CPNE5: variants seen among roughly 807,000 people sequenced by gnomAD.
CPNE5 encodes the protein copine 5.
Under a neutral mutation model 81.1 loss-of-function variants are expected in CPNE5, and 42 were observed. The ratio of observed to expected loss-of-function variants is 0.52; its 90% CI spans 0.40 to 0.67. CPNE5 has a LOEUF of 0.67. CPNE5 is among the 30% of genes least tolerant of loss of function. The pLI is 0.00. For synonymous variants in CPNE5, 313 were observed against 321.5 expected, an observed-to-expected ratio of 0.97 and a Z score of 0.28; for missense variants, 612 against 815.5, an observed-to-expected ratio of 0.75 and a Z score of 3.04.
At chr6:36,767,011 C>A (rs1297312873) in intron 10 of CPNE5, among the ~76,000 whole-genome samples, 1 of 152,184 alleles carries the variant, frequency 6.6e-6, no homozygotes, top group Non-Finnish European at 1.5e-5. Flanking sequence ...TGAGCCACCA[C>A]ACCTGGCTAA....
intron 14 of CPNE5, among the ~76,000 whole-genome samples, chr6:36,750,763 T>A (rs1388929284): frequency 6.6e-6 from 1 of 152,168 alleles, no homozygotes; most frequent in Non-Finnish European, 1.5e-5. Flanking sequence ...CTTGGGAAGA[T>A]GATTCTGGCC....
At chr6:36,749,362 C>T (rs548019859) in intron 14 of CPNE5, among the ~76,000 whole-genome samples, 5 of 152,088 alleles carry the variant, frequency 3.3e-5, no homozygotes, top group Non-Finnish European at 7.4e-5. Context: ...ATGGCTCTTG[C>T]CTGGATTTCT....
At chr6:36,774,517 C>G (rs1057214802) in intron 10 of CPNE5, among the ~76,000 whole-genome samples, 1 of 152,234 alleles carries the variant, frequency 6.6e-6, no homozygotes, top group Non-Finnish European at 1.5e-5. Flanking sequence ...GACCAGCTGC[C>G]TCTGCCTGCA....
intron 17 of CPNE5, 55 bp from the exon 18 acceptor site, chr6:36,745,205 C>T: frequency 6.7e-7 from 1 of 1,503,698 alleles, no homozygotes; most frequent in African/African-American, 1.4e-5. Context: ...GGGCATGTTC[C>T]CCCCTAAACA....
At chr6:36,762,317 C>CAA (rs1483394254) in intron 12 of CPNE5, among the ~76,000 whole-genome samples, 1 of 151,238 alleles carries the variant, frequency 6.6e-6, no homozygotes, top group African/African-American at 2.4e-5. Flanking sequence ...CACACACACA[C>CAA]ACACGCATGC....
intron 9 of CPNE5, among the ~76,000 whole-genome samples, chr6:36,778,152 C>T (rs1046198380): frequency 1.3e-5 from 2 of 152,230 alleles, no homozygotes; most frequent in Non-Finnish European, 2.9e-5. Flanking sequence ...GGGGTCTTCA[C>T]TTGCCCAGGG....
intron 8 of CPNE5, among the ~76,000 whole-genome samples, chr6:36,782,232 A>G (rs925098265): frequency 6.6e-6 from 1 of 152,176 alleles, no homozygotes; most frequent in African/African-American, 2.4e-5. Flanking sequence ...CCTGAGTGAC[A>G]TTCTTACCTG....
chr6:36,792,575 G>C (rs535647957), intron 7 of CPNE5: 243 of 444,124 alleles, frequency 5.5e-4, no homozygotes, highest in Admixed American at 1.2e-3. Context: ...AGGGCTGGTG[G>C]GCCCTCGCTG....
At chr6:36,765,768 G>C (rs1413375460) in intron 10 of CPNE5, among the ~76,000 whole-genome samples, 1 of 151,924 alleles carries the variant, frequency 6.6e-6, no homozygotes, top group Non-Finnish European at 1.5e-5. Context: ...CTCAGGCCCC[G>C]GCAGGGTGGA....
intron 1 of CPNE5, among the ~76,000 whole-genome samples, chr6:36,825,359 G>A (rs2150596989): frequency 6.6e-6 from 1 of 152,174 alleles, no homozygotes; most frequent in South Asian, 2.1e-4. Flanking sequence ...ATGCCCCCAA[G>A]AGAGGAATTC....
intron 14 of CPNE5, chr6:36,752,597 T>G (rs1446598707): frequency 1.3e-5 from 2 of 155,304 alleles, no homozygotes; most frequent in African/African-American, 4.8e-5. Flanking sequence ...GTTCTCTTTG[T>G]GTACAGAGGA....
intron 1 of CPNE5, among the ~76,000 whole-genome samples, chr6:36,834,472 A>G (rs957639746): frequency 6.6e-6 from 1 of 151,954 alleles, no homozygotes; most frequent in African/African-American, 2.4e-5. Context: ...CCTGACCAAC[A>G]TGGTGAAACC....
At chr6:36,814,714 G>C (rs999867788) in intron 3 of CPNE5, among the ~76,000 whole-genome samples, 5 of 152,174 alleles carry the variant, frequency 3.3e-5, no homozygotes, top group Non-Finnish European at 7.3e-5. Flanking sequence ...GGGGACACAT[G>C]CTGTCCAGGA....
At chr6:36,791,894 T>C (rs937735040) in intron 8 of CPNE5, 139 bp downstream of exon 8, 8 of 752,986 alleles carry the variant, frequency 1.1e-5, no homozygotes, top group Non-Finnish European at 1.6e-5. Flanking sequence ...AGCTCTGATG[T>C]TGCAAAATTC....
intron 12 of CPNE5, among the ~76,000 whole-genome samples, chr6:36,756,575 C>A (rs907105648): frequency 3.3e-5 from 5 of 152,202 alleles, no homozygotes; most frequent in Admixed American, 2.0e-4. Flanking sequence ...CCGGAACACA[C>A]GCACCCTCCA....
chr6:36,755,941 C>T (rs1176458715), intron 13 of CPNE5: 1 of 435,108 alleles, frequency 2.3e-6, no homozygotes, highest in Non-Finnish European at 4.1e-6. Context: ...TGGGGAATTT[C>T]CCAGGGTAGG....
At position 36,792,161 on chromosome 6, in the gene CPNE5, C is replaced by G. The variant is rs1016251441; in HGVS notation, c.465-65G>C. 1.8e-5 allele frequency: 27 copies of G among 1,480,172 alleles called. No homozygotes were observed. The South Asian group carries it at 3.0e-4, about 16-fold the overall frequency. The allele number at this position is 1,480,172 out of a possible 1,614,324, so 91.7% of individuals were successfully genotyped here. On this transcript the variant is annotated intron_variant, in intron 7 of 20. Transcript: ENST00000244751. Reference sequence around the variant, plus strand: ...AGACAGAGCCATAAACCTGACACTCCCTCAATCAGCCCCCTGCCCATCCTC... The same window carrying G: ...AGACAGAGCCATAAACCTGACACTCGCTCAATCAGCCCCCTGCCCATCCTC...
intron 8 of CPNE5, among the ~76,000 whole-genome samples, chr6:36,790,567 GTTA>G (rs370825767): frequency 7.6e-4 from 115 of 152,294 alleles, no homozygotes; most frequent in African/African-American, 2.5e-3. Context: ...ATTATTGGGA[GTTA>G]TTGTTGTTTT....
intron 3 of CPNE5, among the ~76,000 whole-genome samples, chr6:36,811,689 T>C (rs1561810890): frequency 6.6e-6 from 1 of 152,184 alleles, no homozygotes; most frequent in South Asian, 2.1e-4. Flanking sequence ...CTCAGGCTCA[T>C]GTCTAATGTA....
Sources: gnomAD v4.1 joint callset for allele counts (sites outside exome capture counted in the v4.1 genomes callset) on GRCh38, gnomAD v4.1.1 for gene constraint, MANE v1.5 for transcripts, NCBI Gene and HGNC (gene_info 2026-07-23, HGNC 2026-07-21) for gene names.